Variants in TNFRSF11A observed in about 807,000 individuals in gnomAD.
The protein encoded by TNFRSF11A is tumor necrosis factor receptor superfamily member 11A.
Under a neutral mutation model 55.7 loss-of-function variants are expected in TNFRSF11A, and 32 were observed. That is an observed-to-expected ratio of 0.57 (90% CI 0.43 to 0.77). TNFRSF11A has a LOEUF of 0.77. Among genes scored for constraint, TNFRSF11A ranks in the 30% least tolerant of loss-of-function variants. The probability of loss-of-function intolerance (pLI) is 0.00; values close to 1 mark genes in which losing one functional copy is unlikely to be tolerated. For missense variants in TNFRSF11A, 753 were observed against 809.8 expected, an observed-to-expected ratio of 0.93 and a Z score of 0.85; for synonymous variants, 311 against 331.0, an observed-to-expected ratio of 0.94 and a Z score of 0.65.
intron 1 of TNFRSF11A, among the ~76,000 whole-genome samples, chr18:62,332,047 CCTCAAGCT>C (rs2046162965): frequency 6.6e-6 from 1 of 152,156 alleles, no homozygotes; most frequent in Non-Finnish European, 1.5e-5. Flanking sequence ...AGAGCCACTT[CCTCAAGCT>C]ATCAGAAATT....
In TNFRSF11A at chr18:62,386,932, A is replaced by G. The variant is rs1431205303; in HGVS notation, c.*1898A>G. ...AGATGTTATACAAATGGAGGAAACC[A>G]TTATACCTTTTGATATGGAATATAT... On this transcript the variant is annotated 3_prime_UTR_variant, in exon 10 of 10. Transcript: ENST00000586569. 2 of 152,228 alleles carry G rather than the reference A, an allele frequency of 1.3e-5. No individual in the cohort carries two copies. The highest frequency in any genetic ancestry group is 2.9e-5 in the Non-Finnish European group (2 of 68,044). 9.4% of individuals were successfully genotyped at this position (152,228 alleles called of 1,614,324 possible).
At chr18:62,341,514 C>T (rs1231799729) in intron 1 of TNFRSF11A, among the ~76,000 whole-genome samples, 7 of 152,332 alleles carry the variant, frequency 4.6e-5, no homozygotes, top group African/African-American at 1.7e-4. Context: ...TTCCCTCTCT[C>T]CCCTCAGGGA....
At chr18:62,366,124 A>T (rs1388161429) in intron 7 of TNFRSF11A, among the ~76,000 whole-genome samples, 2 of 152,194 alleles carry the variant, frequency 1.3e-5, no homozygotes, top group East Asian at 3.8e-4. Context: ...GGCCCTTCAT[A>T]GCCTTTAAAT....
intron 9 of TNFRSF11A, among the ~76,000 whole-genome samples, chr18:62,373,310 T>A (rs1600413616): frequency 6.6e-6 from 1 of 152,186 alleles, no homozygotes; most frequent in East Asian, 1.9e-4. Flanking sequence ...ATAAAAAAAA[T>A]TAGCTGGGCA....
intron 7 of TNFRSF11A, among the ~76,000 whole-genome samples, chr18:62,362,450 A>G (rs1236169860): frequency 7.2e-6 from 1 of 138,622 alleles, no homozygotes; most frequent in Non-Finnish European, 1.5e-5. Flanking sequence ...AGATCATGCC[A>G]TTGCACTCCA....
chr18:62,333,520 A>G (rs2046186049), intron 1 of TNFRSF11A, among the ~76,000 whole-genome samples: 1 of 152,238 alleles, frequency 6.6e-6, no homozygotes, highest in African/African-American at 2.4e-5. Context: ...TGTGCCAGGC[A>G]TGTACTTTAC....
intron 1 of TNFRSF11A, among the ~76,000 whole-genome samples, chr18:62,331,375 T>C (rs2046151077): frequency 6.6e-6 from 1 of 152,200 alleles, no homozygotes; most frequent in Admixed American, 6.5e-5. Flanking sequence ...GTTGTTGTTT[T>C]TCCCAAACAA....
At chr18:62,348,388 G>T in intron 2 of TNFRSF11A, 139 bp downstream of exon 2, 1 of 740,212 alleles carries the variant, frequency 1.4e-6, no homozygotes. Context: ...CTGTCACTCT[G>T]AAGACAAAAA....
chr18:62,365,948 G>A (rs1170056146), intron 7 of TNFRSF11A, among the ~76,000 whole-genome samples: 2 of 152,084 alleles, frequency 1.3e-5, no homozygotes, highest in African/African-American at 4.8e-5. Context: ...CTCCCAAGTA[G>A]CTGGGATTAC....
At chr18:62,358,601 AC>A (rs1236595463) in intron 5 of TNFRSF11A, among the ~76,000 whole-genome samples, 4 of 152,108 alleles carry the variant, frequency 2.6e-5, no homozygotes, top group African/African-American at 9.7e-5. Context: ...GCTTTTTCTA[AC>A]CTTGTTTGGT....
chr18:62,343,328 G>A (rs999957937), intron 1 of TNFRSF11A, among the ~76,000 whole-genome samples: 2 of 152,170 alleles, frequency 1.3e-5, no homozygotes, highest in African/African-American at 4.8e-5. Flanking sequence ...TACATCGTTC[G>A]ATGTCAGCAT....
At chr18:62,369,648 C>T (rs1910386054) in intron 9 of TNFRSF11A, among the ~76,000 whole-genome samples, 164 bp downstream of exon 9, 1 of 152,224 alleles carries the variant, frequency 6.6e-6, no homozygotes. Flanking sequence ...TGGATTCAGT[C>T]CACGTGTTTG....
Position 62,325,431 on chromosome 18 carries a change from A to G in TNFRSF11A, c.75+4A>G, listed in dbSNP as rs1270080931. 4.8e-6 allele frequency: 6 copies of G among 1,249,436 alleles called. No homozygotes were observed. In the Admixed American group the frequency reaches 9.9e-5, roughly 21 times the overall value. 77.4% of individuals were successfully genotyped at this position (1,249,436 alleles called of 1,614,324 possible). A position where few individuals can be genotyped will look rare whatever the true frequency, so the allele number is the denominator to read the frequency against. ...CGCGCTGCTCGCCCGGCTGCAGGTAAGGAGCGCCCGCGCCTGCCGGGCCGC... is the reference window on the plus strand; with the variant it reads ...CGCGCTGCTCGCCCGGCTGCAGGTAGGGAGCGCCCGCGCCTGCCGGGCCGC... On this transcript the variant is annotated splice_donor_region_variant and intron_variant, in intron 1 of 9. Transcript: ENST00000586569. The surrounding 1 kb of genome is among the most constrained non-coding windows in gnomAD (Gnocchi z 4.7).
At chr18:62,382,155 A>G (rs371930729) in intron 9 of TNFRSF11A, among the ~76,000 whole-genome samples, 26 of 115,200 alleles carry the variant, frequency 2.3e-4, no homozygotes, top group Middle Eastern at 8.1e-3. Context: ...CACTCCACCC[A>G]GGCTGGGTGC....
At chr18:62,364,366 C>T (rs17069902) in intron 7 of TNFRSF11A, among the ~76,000 whole-genome samples, 11,488 of 152,090 alleles carry the variant, frequency 0.076, 520 homozygotes, top group African/African-American at 0.12. Flanking sequence ...GACCATGTAG[C>T]GGCTGCTGAA....
Position 62,369,428 on chromosome 18 carries a change from C to T in TNFRSF11A, c.1511C>T (p.Ser504Leu). ...EDGADGRLPS[S>L]ARAGAGSGSS... ...GGGGCTGATGGGAGGCTCCCAAGCTCAGCGAGGGCAGGTGCCGGGTCTGGA... is the reference window on the plus strand; with the variant it reads ...GGGGCTGATGGGAGGCTCCCAAGCTTAGCGAGGGCAGGTGCCGGGTCTGGA... Residue 504 changes from serine to leucine, a missense_variant, in exon 9 of 10, where the codon TCA (serine) becomes TTA (leucine). By Grantham distance (145) the Ser-to-Leu change is moderately radical (BLOSUM62 -2). This residue lies in a region of TNFRSF11A where 567 missense variants were observed against 596.7 expected (regional missense o/e 0.95). Coordinates refer to ENST00000586569, the MANE Select transcript of TNFRSF11A (RefSeq NM_003839.4). The T allele has an allele frequency of 1.2e-6, 2 of 1,611,024 alleles. No individual in the cohort carries two copies. The highest frequency in any genetic ancestry group is 1.3e-5 in the African/African-American group (1 of 75,070).
At chr18:62,346,561 G>A (rs2046386873) in intron 1 of TNFRSF11A, among the ~76,000 whole-genome samples, 1 of 152,122 alleles carries the variant, frequency 6.6e-6, no homozygotes, top group South Asian at 2.1e-4. Flanking sequence ...TGTTAGCAGG[G>A]CCCAGGAAGC....
chr18:62,385,105 C>G lies in TNFRSF11A; in HGVS notation c.*71C>G. On this transcript the variant is annotated 3_prime_UTR_variant, in exon 10 of 10. Coordinates refer to ENST00000586569, the MANE Select transcript of TNFRSF11A (RefSeq NM_003839.4). ...GAGGGCAGCACCGCAGCCTCTGCCC[C>G]AGCCCCGGCCACCCAGGGATCGATC... 1 of 1,368,170 alleles carries G rather than the reference C, an allele frequency of 7.3e-7. No homozygotes were observed. Among genetic ancestry groups the G allele is most frequent in the South Asian group, 1.7e-5 (1 of 60,130 alleles). The allele number at this position is 1,368,170 out of a possible 1,614,324, so 84.8% of individuals were successfully genotyped here. A position where few individuals can be genotyped will look rare whatever the true frequency, so the allele number is the denominator to read the frequency against.
intron 1 of TNFRSF11A, among the ~76,000 whole-genome samples, chr18:62,328,567 G>A (rs2046107443): frequency 6.6e-6 from 1 of 152,128 alleles, no homozygotes; most frequent in Admixed American, 6.5e-5. Context: ...TGGTAAAGTC[G>A]ACTAATCAGA....
Sources: allele counts gnomAD v4.1 joint callset (sites outside exome capture counted in the v4.1 genomes callset), GRCh38; gene constraint gnomAD v4.1.1; regional missense constraint gnomAD v4.1.1; non-coding constraint Gnocchi (gnomAD v3.1); transcripts MANE v1.5; gene names NCBI Gene and HGNC (gene_info 2026-07-23, HGNC 2026-07-21).